The following CSMD1 variants were observed in gnomAD, a reference collection of about 807,000 sequenced individuals.
The protein encoded by CSMD1 is CUB and Sushi multiple domains 1.
In CSMD1, 213 loss-of-function variants were observed where a neutral mutation model predicts 417.5. The observed-to-expected ratio is 0.51, with a 90% CI of 0.46 to 0.57. The LOEUF (loss-of-function observed/expected upper bound fraction) is 0.57, where lower values mean the gene tolerates loss of function less well. CSMD1 is among the 20% of genes least tolerant of loss of function. The pLI is 0.00. For synonymous variants in CSMD1, 2,862 were observed against 1,736.8 expected, an observed-to-expected ratio of 1.65 and a Z score of -16.11; for missense variants, 6,923 against 4,529.7, an observed-to-expected ratio of 1.53 and a Z score of -15.17.
intron 5 of CSMD1, among the ~76,000 whole-genome samples, chr8:3,762,068 A>G (rs558661196): frequency 2.6e-5 from 4 of 152,166 alleles, no homozygotes; most frequent in South Asian, 4.1e-4. Flanking sequence ...AAATGAAAAA[A>G]TAATTTCTAG....
chr8:4,297,193 A>G (rs914505205), intron 3 of CSMD1, among the ~76,000 whole-genome samples: 1 of 152,100 alleles, frequency 6.6e-6, no homozygotes, highest in African/African-American at 2.4e-5. Context: ...CTAGAAATGT[A>G]TTTTTTTAAA....
At position 3,462,148 on chromosome 8, in the gene CSMD1, C is replaced by G. The variant is rs148048194; in HGVS notation, c.1561+6564G>C. Reference sequence around the variant, plus strand: ...CCCCCCCCCCCACCTCCCAGCTGCTCGGGACCCACACTGCATTTCTTTTCA... The same window carrying G: ...CCCCCCCCCCCACCTCCCAGCTGCTGGGGACCCACACTGCATTTCTTTTCA... On this transcript the variant is annotated intron_variant, in intron 12 of 69. Coordinates refer to ENST00000635120, the MANE Select transcript of CSMD1 (RefSeq NM_033225.6). Among the ~76,000 whole-genome samples, 1,350 of 152,020 alleles carry G rather than the reference C, an allele frequency of 8.9e-3. 16 individuals carry two copies. The highest frequency in any genetic ancestry group is 0.013 in the Non-Finnish European group (871 of 67,978).
chr8:4,566,895 C>CAATGAGAAAAACTCAATTTAAG (rs11267326), intron 2 of CSMD1, among the ~76,000 whole-genome samples: 1 of 151,306 alleles, frequency 6.6e-6, no homozygotes, highest in Admixed American at 6.6e-5. Context: ...TGTTTTCCAG[C>CAATGAGAAAAACTCAATTTAAG]AATGAGAAAA....
chr8:4,338,746 G>C (rs777482955), intron 3 of CSMD1, among the ~76,000 whole-genome samples: 2 of 151,944 alleles, frequency 1.3e-5, no homozygotes, highest in Admixed American at 6.6e-5. Context: ...TAATTCATAA[G>C]CGAATATTAA....
chr8:3,972,700 C>T (rs969796782), intron 5 of CSMD1, among the ~76,000 whole-genome samples: 2 of 152,176 alleles, frequency 1.3e-5, no homozygotes, highest in Non-Finnish European at 2.9e-5. Flanking sequence ...TTGCAAATAG[C>T]TTCTTTTCAA....
intron 1 of CSMD1, among the ~76,000 whole-genome samples, chr8:4,766,509 G>C (rs534120855): frequency 6.6e-6 from 1 of 152,186 alleles, no homozygotes; most frequent in Non-Finnish European, 1.5e-5. Context: ...ACTATGCAAC[G>C]ACCTAAAATT....
At chr8:3,138,768 A>C (rs1818260476) in intron 41 of CSMD1, among the ~76,000 whole-genome samples, 1 of 152,234 alleles carries the variant, frequency 6.6e-6, no homozygotes, top group Admixed American at 6.5e-5. Flanking sequence ...AGACAGAGAA[A>C]GAACCACAGC....
At chr8:3,761,373 C>G (rs924291761) in intron 5 of CSMD1, among the ~76,000 whole-genome samples, 1 of 151,674 alleles carries the variant, frequency 6.6e-6, no homozygotes, top group Admixed American at 6.6e-5. Flanking sequence ...GTTTTGTGCA[C>G]ACGTATATAC....
At chr8:4,643,075 T>G (rs1354329728) in intron 1 of CSMD1, among the ~76,000 whole-genome samples, 2 of 152,196 alleles carry the variant, frequency 1.3e-5, no homozygotes, top group African/African-American at 2.4e-5. Flanking sequence ...GTATATAGAT[T>G]TGTGTGTAAA....
rs183611223 is a variant in CSMD1 at position 4,841,614 on chromosome 8, T to C, written c.85+152718A>G. Among the ~76,000 whole-genome samples the C allele has an allele frequency of 2.6e-5, 4 of 152,050 alleles. No homozygotes were observed. The East Asian group carries it at 5.8e-4, about 22-fold the overall frequency. ...TAGGAGATTTAAGAAAATAATCATA[T>C]AGAAGTTCAGAACAGGTCAGGCGCG... is the stretch of plus-strand genomic sequence containing the variant. On this transcript the variant is annotated intron_variant, in intron 1 of 69. Coordinates refer to ENST00000635120, the MANE Select transcript of CSMD1 (RefSeq NM_033225.6).
intron 18 of CSMD1, among the ~76,000 whole-genome samples, chr8:3,386,185 G>A (rs566890372): frequency 3.9e-5 from 6 of 152,270 alleles, no homozygotes; most frequent in African/African-American, 1.4e-4. Context: ...CAGCTCATCT[G>A]CACAAAAAAG....
rs552539581 is a variant in CSMD1, at chr8:4,160,227, T to C, written c.416-128128A>G. ...ATAGCAAAAATCTGGCTAATTGTTC[T>C]TTCTAAAGTCTAACTTTATCATAAA... On this transcript the variant is annotated intron_variant, in intron 3 of 69. Coordinates refer to ENST00000635120, the MANE Select transcript of CSMD1 (RefSeq NM_033225.6). Among the ~76,000 whole-genome samples, 3 of 152,326 alleles carry C rather than the reference T, an allele frequency of 2.0e-5. No homozygotes were observed. The East Asian group carries it at 5.8e-4, about 29-fold the overall frequency.
intron 26 of CSMD1, among the ~76,000 whole-genome samples, chr8:3,281,168 C>T (rs916774511): frequency 1.3e-4 from 20 of 152,090 alleles, no homozygotes; most frequent in African/African-American, 3.9e-4. Context: ...ACAGGCTGGG[C>T]GAGGTGGCTC....
chr8:3,173,916 G>A (rs943196611), intron 37 of CSMD1, among the ~76,000 whole-genome samples: 4 of 152,108 alleles, frequency 2.6e-5, no homozygotes, highest in Admixed American at 6.5e-5. Flanking sequence ...TTATGGCAAC[G>A]TCCTGCCAAA....
chr8:4,388,678 T>C (rs1803636663), intron 3 of CSMD1, among the ~76,000 whole-genome samples: 1 of 152,088 alleles, frequency 6.6e-6, no homozygotes, highest in African/African-American at 2.4e-5. Context: ...CAAATACCAC[T>C]TGAACTCCAA....
At chr8:3,472,523 C>T (rs1026943214) in intron 11 of CSMD1, among the ~76,000 whole-genome samples, 1 of 152,096 alleles carries the variant, frequency 6.6e-6, no homozygotes, top group South Asian at 2.1e-4. Flanking sequence ...TCCAACCATC[C>T]ACTCTCTATC....
chr8:3,751,155 C>T (rs1417190454), intron 6 of CSMD1, among the ~76,000 whole-genome samples: 1 of 152,076 alleles, frequency 6.6e-6, no homozygotes, highest in African/African-American at 2.4e-5. Context: ...TGTCTTGGAG[C>T]TGAACTTTAA....
intron 2 of CSMD1, among the ~76,000 whole-genome samples, chr8:4,435,314 C>G (rs1157602386): frequency 6.6e-6 from 1 of 152,096 alleles, no homozygotes; most frequent in African/African-American, 2.4e-5. Flanking sequence ...CCAAATGTGA[C>G]ACAGGTAAAA....
intron 3 of CSMD1, among the ~76,000 whole-genome samples, chr8:4,247,638 T>C (rs532668987): frequency 6.6e-6 from 1 of 152,312 alleles, no homozygotes; most frequent in South Asian, 2.1e-4. Flanking sequence ...AGATTTCAAG[T>C]AAGTTATCAC....
Sources: gnomAD v4.1 joint callset for allele counts (sites outside exome capture counted in the v4.1 genomes callset) on GRCh38, gnomAD v4.1.1 for gene constraint, MANE v1.5 for transcripts, NCBI Gene and HGNC (gene_info 2026-07-23, HGNC 2026-07-21) for gene names.